Variants in LPIN2 observed in about 807,000 individuals in gnomAD.
LPIN2 encodes the protein lipin 2.
In LPIN2, 55 loss-of-function variants were observed where a neutral mutation model predicts 111.4. The ratio of observed to expected loss-of-function variants is 0.49; its 90% CI spans 0.40 to 0.62. The LOEUF (loss-of-function observed/expected upper bound fraction) is 0.62. Among genes scored for constraint, LPIN2 ranks in the 20% least tolerant of loss-of-function variants. The pLI, the probability that LPIN2 is intolerant of heterozygous loss-of-function variation, is 0.00. For synonymous variants in LPIN2, 425 were observed against 414.0 expected (o/e 1.03, Z -0.32); for missense variants, 992 against 1,112.1 (o/e 0.89, Z 1.54).
chr18:2,967,415 T>C (rs2077823832), intron 1 of LPIN2, among the ~76,000 whole-genome samples: 1 of 151,800 alleles, frequency 6.6e-6, no homozygotes, highest in South Asian at 2.1e-4. Context: ...GGTAAAAACT[T>C]CCCCCCAAAA....
intron 1 of LPIN2, among the ~76,000 whole-genome samples, chr18:3,009,785 C>T (rs998696725): frequency 6.6e-6 from 1 of 152,172 alleles, no homozygotes; most frequent in Admixed American, 6.5e-5. Context: ...AACTGACAAA[C>T]CTGATCACCG....
chr18:2,985,548 T>A (rs1274815522), intron 1 of LPIN2: 6 of 152,160 alleles, frequency 3.9e-5, no homozygotes, highest in African/African-American at 1.4e-4. Flanking sequence ...AAAATGCTAG[T>A]TAGGAAAAAC....
In LPIN2 at chr18:2,951,124, G is replaced by A. The variant is rs1314271671; in HGVS notation, c.521C>T (p.Ser174Phe). 9 of 1,614,176 alleles carry A rather than the reference G, an allele frequency of 5.6e-6. No individual in the cohort carries two copies. The highest frequency in any genetic ancestry group is 7.6e-6 in the Non-Finnish European group (9 of 1,180,036). The change falls in exon 4 of 20, where the codon TCT (serine) becomes TTT (phenylalanine). Residue 174 changes from serine to phenylalanine, a missense_variant. Around this residue, in one of 4 missense-constraint regions of LPIN2, gnomAD observed 709 missense variants for 753.2 expected, o/e 0.94. Coordinates refer to ENST00000677752, the MANE Select transcript of LPIN2 (RefSeq NM_001375808.2). ...QDSKKEEQAA[S>F]AAAEDTCDVG... ...ATCACATGTGTCTTCTGCAGCAGCAGATGCGGCCTGCTCTTCCTTCTTACT... is the reference window on the plus strand; with the variant it reads ...ATCACATGTGTCTTCTGCAGCAGCAAATGCGGCCTGCTCTTCCTTCTTACT...
At position 2,982,812 on chromosome 18, in the gene LPIN2, T is replaced by C. The variant is rs1046256688; in HGVS notation, c.-9-21963A>G. The C allele has an allele frequency of 1.0e-5, 10 of 957,946 alleles. No homozygotes were observed. The African/African-American group carries it at 1.5e-4, about 15-fold the overall frequency. The allele number at this position is 957,946 out of a possible 1,614,324, so 59.3% of individuals were successfully genotyped here. ...ATGTCTTTTTTCAGAGATGAAGGTA[T>C]ATAATCAAAACAGAAAGCTGCTCTC... On this transcript the variant is annotated intron_variant, in intron 1 of 19. Transcript: ENST00000677752.
intron 7 of LPIN2, among the ~76,000 whole-genome samples, chr18:2,936,214 A>AT (rs1054041113): frequency 2.6e-5 from 4 of 151,826 alleles, no homozygotes; most frequent in African/African-American, 7.3e-5. Context: ...TGGTGCTAGA[A>AT]TTTTTTTTTA....
rs2077030814 is a variant in LPIN2, at chr18:2,920,148, A to G, written c.*145T>C. The G allele has an allele frequency of 9.1e-7, 1 of 1,096,150 alleles. No individual in the cohort carries two copies. The highest frequency in any genetic ancestry group is 1.3e-6 in the Non-Finnish European group (1 of 741,508). 67.9% of individuals were successfully genotyped at this position (1,096,150 alleles called of 1,614,324 possible). ...GCCGAGCCTGAGCAGCTGGCCTGGG[A>G]AGGCAAAGGAGGATGGCGGGACCAG... On this transcript the variant is annotated 3_prime_UTR_variant, in exon 20 of 20. Transcript: ENST00000677752.
chr18:2,999,263 A>C (rs3016718), intron 1 of LPIN2, among the ~76,000 whole-genome samples: 1 of 152,122 alleles, frequency 6.6e-6, no homozygotes, highest in Non-Finnish European at 1.5e-5. Context: ...GAGGTCATTA[A>C]GGCTGGCCCT....
chr18:3,009,204 T>C (rs116164145), intron 1 of LPIN2, among the ~76,000 whole-genome samples: 7,621 of 151,698 alleles, frequency 0.05, 613 homozygotes, highest in African/African-American at 0.17. Context: ...TCAACACTAT[T>C]CTGGCTAACA....
In LPIN2 at chr18:2,920,017, A is replaced by G; in HGVS notation, c.*276T>C. The G allele has an allele frequency of 3.7e-6, 2 of 542,252 alleles. No individual in the cohort carries two copies. Among genetic ancestry groups the G allele is most frequent in the Non-Finnish European group, 6.7e-6 (2 of 300,388 alleles). 33.6% of individuals were successfully genotyped at this position (542,252 alleles called of 1,614,324 possible). A position where few individuals can be genotyped will look rare whatever the true frequency, so the allele number is the denominator to read the frequency against. On this transcript the variant is annotated 3_prime_UTR_variant, in exon 20 of 20. Transcript: ENST00000677752. ...AAATGATGCAATGGAAGGAGGCCCC[A>G]GCTCACAGCAGGAAACATGTGTGCG...
chr18:2,990,914 A>C, intron 1 of LPIN2: 1 of 549,058 alleles, frequency 1.8e-6, no homozygotes, highest in Non-Finnish European at 3.6e-6. Flanking sequence ...TGATGCCAGC[A>C]CCCCACACGG....
At chr18:2,960,960 T>C (rs1598572093) in intron 1 of LPIN2, 111 bp from the exon 2 acceptor site, 8 of 848,798 alleles carry the variant, frequency 9.4e-6, no homozygotes, top group South Asian at 5.8e-5. Context: ...CCAGATTTCA[T>C]ATCATTAGCC....
At chr18:2,962,189 A>T (rs2077724051) in intron 1 of LPIN2, among the ~76,000 whole-genome samples, 1 of 152,004 alleles carries the variant, frequency 6.6e-6, no homozygotes, top group Non-Finnish European at 1.5e-5. Flanking sequence ...ATGAATGTGT[A>T]ATCAAGGCCC....
intron 1 of LPIN2, among the ~76,000 whole-genome samples, chr18:2,963,374 G>A (rs917817997): frequency 6.7e-6 from 1 of 150,276 alleles, no homozygotes; most frequent in Non-Finnish European, 1.5e-5. Context: ...GCCCAGCATA[G>A]CTACACAATA....
At chr18:2,943,122 A>AT (rs2077388640) in intron 4 of LPIN2, among the ~76,000 whole-genome samples, 1 of 152,218 alleles carries the variant, frequency 6.6e-6, no homozygotes, top group Admixed American at 6.5e-5. Flanking sequence ...ACATGGATGT[A>AT]TATGACTGCC....
chr18:2,969,538 T>G (rs998896445), intron 1 of LPIN2, among the ~76,000 whole-genome samples: 2 of 152,142 alleles, frequency 1.3e-5, no homozygotes, highest in Non-Finnish European at 2.9e-5. Flanking sequence ...CAGGGAGGTT[T>G]TTATATCTAA....
intron 2 of LPIN2, among the ~76,000 whole-genome samples, chr18:2,958,731 T>C (rs1308583391): frequency 1.3e-5 from 2 of 152,148 alleles, no homozygotes; most frequent in African/African-American, 4.8e-5. Flanking sequence ...TTTGACAAGA[T>C]AGTAACACAA....
At chr18:2,982,513 C>T (rs1348982954) in intron 1 of LPIN2, among the ~76,000 whole-genome samples, 2 of 152,138 alleles carry the variant, frequency 1.3e-5, no homozygotes, top group East Asian at 3.9e-4. Flanking sequence ...TTCAACATAA[C>T]ACTTAGAAGT....
chr18:2,957,932 C>A (rs1187069081), intron 2 of LPIN2, among the ~76,000 whole-genome samples: 1 of 151,554 alleles, frequency 6.6e-6, no homozygotes, highest in African/African-American at 2.4e-5. Flanking sequence ...GGGTGGATTA[C>A]CTGAGATCAG....
chr18:2,939,320 C>CA (rs1290820598), intron 6 of LPIN2, among the ~76,000 whole-genome samples, 160 bp downstream of exon 6: 10 of 152,122 alleles, frequency 6.6e-5, no homozygotes, highest in African/African-American at 1.9e-4. Context: ...CCAAATGTTA[C>CA]AAAAAATGTT....
Sources: allele counts gnomAD v4.1 joint callset (sites outside exome capture counted in the v4.1 genomes callset), GRCh38; gene constraint gnomAD v4.1.1; regional missense constraint gnomAD v4.1.1; transcripts MANE v1.5; gene names NCBI Gene and HGNC (gene_info 2026-07-23, HGNC 2026-07-21).